Variants in INO80 observed in about 807,000 individuals in gnomAD.
INO80 encodes INO80 complex ATPase subunit.
INO80 carries 20 observed loss-of-function variants against 203.4 expected under a neutral mutation model. The ratio of observed to expected loss-of-function variants is 0.10; its 90% CI spans 0.07 to 0.14. The LOEUF is 0.14. Ranked by LOEUF, INO80 falls within the 10% of genes least tolerant of loss-of-function variation. The pLI, the probability that INO80 is intolerant of heterozygous loss-of-function variation, is 1.00. For synonymous variants in INO80, 726 were observed against 685.2 expected (o/e 1.06, Z -0.93); for missense variants, 1,419 against 1,914.4 (o/e 0.74, Z 4.83).
Position 41,074,563 on chromosome 15 carries a change from G to A in INO80, c.1134C>T (p.Ala378=), listed in dbSNP as rs1309831786. 6.3e-7 allele frequency: 1 copy of A among 1,594,064 alleles called. No individual in the cohort carries two copies. Among genetic ancestry groups the A allele is most frequent in the South Asian group, 1.1e-5 (1 of 87,984 alleles). ...QRKLDEEMRE[A]KRQQRKLNFL... The stretch of plus-strand genomic sequence containing the variant: ...AGTTGAGTTTTCGCTGTTGCCTCTT[G>A]GCCTAAAGAGGGAAAAAAGTGAAAA... Residue 378 remains alanine (A), a splice_region_variant and synonymous_variant, in exon 10 of 36, where the codon GCC becomes GCT. Transcript: ENST00000648947.
intron 14 of INO80, among the ~76,000 whole-genome samples, chr15:41,061,737 A>G (rs1194924590): frequency 1.3e-5 from 2 of 152,206 alleles, no homozygotes; most frequent in Non-Finnish European, 2.9e-5. Flanking sequence ...TATAAATTAT[A>G]AAAGAATCAA....
intron 5 of INO80, among the ~76,000 whole-genome samples, chr15:41,091,012 C>T (rs1311387969): frequency 6.6e-6 from 1 of 151,334 alleles, no homozygotes; most frequent in Admixed American, 6.6e-5. Flanking sequence ...GCAACCTCCA[C>T]CTCCCGGGTT....
At chr15:41,024,292 T>C (rs1384715805) in intron 25 of INO80, among the ~76,000 whole-genome samples, 1 of 152,204 alleles carries the variant, frequency 6.6e-6, no homozygotes, top group African/African-American at 2.4e-5. Context: ...AATGTACTTA[T>C]GAGGTCCAAA....
chr15:41,099,237 CAAAAAAAAAAAAAA>C (rs71104771), intron 1 of INO80, among the ~76,000 whole-genome samples: 14 of 21,094 alleles, frequency 6.6e-4, no homozygotes, highest in Middle Eastern at 0.12. Context: ...GACCCTGTCT[CAAAAAAAAAAAAAA>C]AAAAAAAAAA....
chr15:41,019,313 G>C (rs983731292), intron 26 of INO80: 1 of 152,106 alleles, frequency 6.6e-6, no homozygotes, highest in Non-Finnish European at 1.5e-5. Context: ...CCCAACCCCC[G>C]CCCTGTCCCA....
rs369882833 is a variant in INO80 at position 41,048,850 on chromosome 15, G to T, written c.2576+437C>A. On this transcript the variant is annotated intron_variant, in intron 21 of 35. Coordinates refer to ENST00000648947, the MANE Select transcript of INO80 (RefSeq NM_017553.3). Reference sequence around the variant, plus strand: ...ATTTTCTGAATGGAAGTCGTCTCTAGTGCATTACCTTAACAACCACTTCAA... The same window carrying T: ...ATTTTCTGAATGGAAGTCGTCTCTATTGCATTACCTTAACAACCACTTCAA... 9.4e-4 allele frequency among the ~76,000 whole-genome samples: 143 copies of T among 152,322 alleles called. 2 individuals are homozygous for T. The South Asian group carries it at 0.029, about 31-fold the overall frequency.
Position 41,050,016 on chromosome 15 carries a change from T to C in INO80, c.2361A>G (p.Leu787=). 1 of 1,614,142 alleles carries C rather than the reference T, an allele frequency of 6.2e-7. No homozygotes were observed. ...ALKNKISIED[L]LQSSMGSTQQ... ...GGGTAGAGCCCATAGAAGACTGCAA[T>C]AAATCCTCAATGGAAATTTTGTTCT... is the stretch of plus-strand genomic sequence containing the variant. The change falls in exon 20 of 36, where the codon TTA becomes TTG. Residue 787 remains leucine (L), a synonymous_variant. Coordinates refer to ENST00000648947, the MANE Select transcript of INO80 (RefSeq NM_017553.3).
At chr15:40,988,066 C>G in intron 29 of INO80, 92 bp from the exon 30 acceptor site, 2 of 1,071,460 alleles carry the variant, frequency 1.9e-6, no homozygotes, top group Non-Finnish European at 2.8e-6. Context: ...GCGAGTTTGG[C>G]GTCAGTAGGG....
chr15:41,022,205 C>A (rs554267184), intron 25 of INO80, among the ~76,000 whole-genome samples: 1 of 152,230 alleles, frequency 6.6e-6, no homozygotes, highest in African/African-American at 2.4e-5. Flanking sequence ...TAAAGCTAGA[C>A]TAAGACATGG....
At chr15:41,054,125 A>C in intron 18 of INO80, 111 bp from the exon 19 acceptor site, 1 of 770,964 alleles carries the variant, frequency 1.3e-6, no homozygotes, top group South Asian at 2.0e-5. Context: ...CTTTGGCTCA[A>C]TGATTCTCTA....
At chr15:41,016,784 C>T (rs1455114198) in intron 26 of INO80, 1 of 152,410 alleles carries the variant, frequency 6.6e-6, no homozygotes, top group African/African-American at 2.4e-5. Context: ...CCTCGACCTC[C>T]TGGGCTCAAG....
At chr15:41,050,872 G>A (rs1021686198) in intron 19 of INO80, among the ~76,000 whole-genome samples, 11 of 152,068 alleles carry the variant, frequency 7.2e-5, no homozygotes, top group African/African-American at 2.4e-4. Context: ...AGTGGCTCAC[G>A]CCTGTAATCC....
At chr15:41,096,069 A>G in intron 2 of INO80, 99 bp downstream of exon 2, 1 of 1,428,614 alleles carries the variant, frequency 7.0e-7, no homozygotes. Context: ...AGAAAATATC[A>G]AACATAAAAA....
intron 27 of INO80, among the ~76,000 whole-genome samples, chr15:41,014,159 T>C (rs2044170045): frequency 1.3e-5 from 2 of 152,216 alleles, no homozygotes; most frequent in South Asian, 4.1e-4. Flanking sequence ...TACACTCACC[T>C]TCACCTACCG....
At chr15:41,094,237 TAG>T (rs1030155173) in intron 4 of INO80, among the ~76,000 whole-genome samples, 3 of 152,180 alleles carry the variant, frequency 2.0e-5, no homozygotes, top group African/African-American at 4.8e-5. Context: ...CTCCTTAACA[TAG>T]ACAAAGCCTG....
intron 9 of INO80, among the ~76,000 whole-genome samples, chr15:41,077,448 T>A (rs1489723060): frequency 1.3e-5 from 2 of 151,358 alleles, no homozygotes; most frequent in Non-Finnish European, 2.9e-5. Flanking sequence ...TAAAGCTTTA[T>A]AGCACTTGAG....
intron 25 of INO80, 86 bp downstream of exon 25, chr15:41,027,510 A>G (rs2044393326): frequency 8.5e-7 from 1 of 1,170,136 alleles, no homozygotes; most frequent in African/African-American, 1.5e-5. Flanking sequence ...GTTTAAAACA[A>G]TTCTGTTTAA....
At position 41,087,665 on chromosome 15, in the gene INO80, G is replaced by A. The variant is rs2045581733; in HGVS notation, c.555C>T (p.Tyr185=). Reference sequence around the variant, plus strand: ...ATGTGGAGAGCAGGCCTGCACTGTAGTACTGATATTGCTGCAACTGAAGCA... The same window carrying A: ...ATGTGGAGAGCAGGCCTGCACTGTAATACTGATATTGCTGCAACTGAAGCA... The part of the protein sequence containing the change: ...SKDKELQQYQ[Y]YSAGLLSTYD... Residue 185 remains tyrosine, a synonymous_variant, in exon 6 of 36, where the codon TAC becomes TAT. Coordinates refer to ENST00000648947, the MANE Select transcript of INO80 (RefSeq NM_017553.3). The A allele has an allele frequency of 6.2e-7, 1 of 1,612,864 alleles. No individual in the cohort carries two copies. Among genetic ancestry groups the A allele is most frequent in the Non-Finnish European group, 8.5e-7 (1 of 1,179,492 alleles).
chr15:41,039,779 C>T (rs942206339), intron 24 of INO80, among the ~76,000 whole-genome samples: 1 of 152,196 alleles, frequency 6.6e-6, no homozygotes, highest in African/African-American at 2.4e-5. Flanking sequence ...ATGTAAAACA[C>T]AGGAATATCT....
Sources: allele counts gnomAD v4.1 joint callset (sites outside exome capture counted in the v4.1 genomes callset), GRCh38; gene constraint gnomAD v4.1.1; transcripts MANE v1.5; gene names NCBI Gene and HGNC (gene_info 2026-07-23, HGNC 2026-07-21).